Variants in ARID1A observed in about 807,000 individuals in gnomAD.
ARID1A encodes the protein AT-rich interactive domain-containing protein 1A.
In ARID1A, 20 loss-of-function variants were observed where a neutral mutation model predicts 212.6. The observed-to-expected ratio is 0.09, with a 90% CI of 0.07 to 0.14. The LOEUF is 0.14. Among genes scored for constraint, ARID1A ranks in the 10% least tolerant of loss-of-function variants. The pLI, the probability that ARID1A is intolerant of heterozygous loss-of-function variation, is 1.00. For missense variants in ARID1A, 2,587 were observed against 3,059.0 expected, an observed-to-expected ratio of 0.85 and a Z score of 3.64; for synonymous variants, 1,376 against 1,222.1, an observed-to-expected ratio of 1.13 and a Z score of -2.63.
intron 4 of ARID1A, among the ~76,000 whole-genome samples, chr1:26,759,894 T>C (rs532154354): frequency 6.6e-6 from 1 of 152,322 alleles, no homozygotes; most frequent in African/African-American, 2.4e-5. Context: ...AGTTAAGAAA[T>C]TGTCTTTCTC....
At chr1:26,776,214 C>T (rs1022009364) in intron 19 of ARID1A, among the ~76,000 whole-genome samples, 8 of 151,276 alleles carry the variant, frequency 5.3e-5, no homozygotes, top group Non-Finnish European at 1.0e-4. Flanking sequence ...ACAGTAGGGG[C>T]CTTTGTTGAT....
Position 26,771,031 on chromosome 1 carries a change from A to G in ARID1A, c.3199-88A>G. The stretch of plus-strand genomic sequence containing the variant: ...AAGAACTGTGGTTCTACAAAGATGA[A>G]TACCTTACAGCCTGATGGGGCTTGG... On this transcript the variant is annotated intron_variant, in intron 11 of 19. Coordinates refer to ENST00000324856, the MANE Select transcript of ARID1A (RefSeq NM_006015.6). This position sits in a 1 kb window ranked among gnomAD's most constrained non-coding sequence, Gnocchi z 5.4. 1.7e-6 allele frequency: 2 copies of G among 1,206,696 alleles called. No homozygotes were observed. The highest frequency in any genetic ancestry group is 1.5e-5 in the African/African-American group (1 of 66,200). The allele number at this position is 1,206,696 out of a possible 1,614,324, so 74.7% of individuals were successfully genotyped here.
At chr1:26,701,248 A>C (rs2080329376) in intron 1 of ARID1A, among the ~76,000 whole-genome samples, 1 of 152,214 alleles carries the variant, frequency 6.6e-6, no homozygotes, top group Non-Finnish European at 1.5e-5. Flanking sequence ...TCTAGAAGCA[A>C]CTGAAGCTTG....
At chr1:26,766,703 G>T (rs2081042620) in intron 10 of ARID1A, 137 bp downstream of exon 10, 3 of 904,864 alleles carry the variant, frequency 3.3e-6, no homozygotes, top group Non-Finnish European at 5.0e-6. Context: ...AGCTGCTGTT[G>T]CCTCCTCTTA....
At chr1:26,735,885 C>T (rs2080724376) in intron 4 of ARID1A, among the ~76,000 whole-genome samples, 1 of 152,174 alleles carries the variant, frequency 6.6e-6, no homozygotes, top group African/African-American at 2.4e-5. Flanking sequence ...TTGCCTCATA[C>T]TTTTCCCCTC....
chr1:26,773,734 C>T lies in ARID1A; in HGVS notation c.4004+17C>T, dbSNP rs777979950. On this transcript the variant is annotated intron_variant, in intron 16 of 19. Transcript: ENST00000324856. ...GCAGCAACGGTGAGTAAAGCCTGGT[C>T]TCGGTGCTGCTATGGATCAGGCTTC... is the stretch of plus-strand genomic sequence containing the variant. 3 of 1,614,196 alleles carry T rather than the reference C, an allele frequency of 1.9e-6. No homozygotes were observed. The highest frequency in any genetic ancestry group is 2.5e-6 in the Non-Finnish European group (3 of 1,180,020).
Position 26,696,756 on chromosome 1 carries a change from C to A in ARID1A, c.353C>A (p.Thr118Lys), listed in dbSNP as rs1346716044. 7.4e-7 allele frequency: 1 copy of A among 1,353,564 alleles called. No individual in the cohort carries two copies. Among genetic ancestry groups the A allele is most frequent in the Non-Finnish European group, 9.5e-7 (1 of 1,056,842 alleles). 83.8% of individuals were successfully genotyped at this position (1,353,564 alleles called of 1,614,324 possible). A position where few individuals can be genotyped will look rare whatever the true frequency, so the allele number is the denominator to read the frequency against. ...AGGCCCGCCCTGAACAATAACCTCA[C>A]GGAGCCGCCCGGCGGCGGCGGTGGC... ...GPRPALNNNL[T>K]EPPGGGGGGS... The change falls in exon 1 of 20, where the codon ACG becomes AAG. Residue 118 changes from threonine to lysine, a missense_variant. Around this residue, in one of 11 missense-constraint regions of ARID1A, gnomAD observed 735 missense variants for 590.6 expected, o/e 1.24. Coordinates refer to ENST00000324856, the MANE Select transcript of ARID1A (RefSeq NM_006015.6).
At chr1:26,709,681 C>G (rs1256319549) in intron 1 of ARID1A, among the ~76,000 whole-genome samples, 2 of 114,662 alleles carry the variant, frequency 1.7e-5, no homozygotes, top group Non-Finnish European at 3.5e-5. Context: ...GGGTCTTTCT[C>G]TGTTTCCCAG....
rs778331057 is a variant in ARID1A, at chr1:26,697,268, C to G, written c.865C>G (p.Pro289Ala). Residue 289 changes from proline (P) to alanine (A), a missense_variant, in exon 1 of 20, where the codon CCC (proline) becomes GCC (alanine). Coordinates refer to ENST00000324856, the MANE Select transcript of ARID1A (RefSeq NM_006015.6). ...PSAAGGGTPQ[P>A]TATPTLNQLL... ...CGCGGCCGGCGGGGGAACTCCCCAG[C>G]CCACCGCCACCCCCACCCTCAACCA... 7.3e-7 allele frequency: 1 copy of G among 1,367,522 alleles called. No homozygotes were observed. The highest frequency in any genetic ancestry group is 9.4e-7 in the Non-Finnish European group (1 of 1,067,852). The allele number at this position is 1,367,522 out of a possible 1,614,324, so 84.7% of individuals were successfully genotyped here.
At chr1:26,747,168 T>C (rs1017536898) in intron 4 of ARID1A, among the ~76,000 whole-genome samples, 1 of 152,236 alleles carries the variant, frequency 6.6e-6, no homozygotes, top group African/African-American at 2.4e-5. Context: ...CGATATGTAT[T>C]CTGTTGCCAT....
chr1:26,697,036 G>A lies in ARID1A; in HGVS notation c.633G>A (p.Gln211=), dbSNP rs1223771800. ...ACGACCACGGCTTCCCCAACCACCA[G>A]TACAACTCCTACTACCCCAACCGCA... ...NSHDHGFPNH[Q]YNSYYPNRSA... is the part of the protein sequence containing the mutation. Residue 211 remains glutamine (Q), a synonymous_variant, in exon 1 of 20, where the codon CAG becomes CAA. Coordinates refer to ENST00000324856, the MANE Select transcript of ARID1A (RefSeq NM_006015.6). 1.9e-6 allele frequency: 3 copies of A among 1,540,626 alleles called. No individual in the cohort carries two copies. The highest frequency in any genetic ancestry group is 8.7e-7 in the Non-Finnish European group (1 of 1,147,534).
At chr1:26,752,720 C>T (rs1035404948) in intron 4 of ARID1A, among the ~76,000 whole-genome samples, 2 of 152,036 alleles carry the variant, frequency 1.3e-5, no homozygotes, top group African/African-American at 2.4e-5. Context: ...AGGGGCGGGG[C>T]GGGGATAAGG....
At chr1:26,740,016 C>T (rs2080773418) in intron 4 of ARID1A, among the ~76,000 whole-genome samples, 1 of 149,734 alleles carries the variant, frequency 6.7e-6, no homozygotes, top group Admixed American at 6.7e-5. Context: ...AAAAAAAAAA[C>T]CTGGCCAAGT....
intron 11 of ARID1A, among the ~76,000 whole-genome samples, chr1:26,768,688 A>G (rs981633249): frequency 6.6e-6 from 1 of 152,224 alleles, no homozygotes; most frequent in African/African-American, 2.4e-5. Flanking sequence ...GAAAACCTGA[A>G]TTGGACACCA....
chr1:26,778,857 A>T (rs2081162216), intron 19 of ARID1A, 166 bp from the exon 20 acceptor site: 1 of 625,514 alleles, frequency 1.6e-6, no homozygotes, highest in Non-Finnish European at 2.6e-6. Context: ...TGTTGGGCAT[A>T]GAAGAGATTA....
chr1:26,750,846 G>A (rs1223998112), intron 4 of ARID1A, among the ~76,000 whole-genome samples: 2 of 152,046 alleles, frequency 1.3e-5, no homozygotes, highest in South Asian at 2.1e-4. Context: ...AAACCCAGGG[G>A]TGAGAAAAAG....
intron 4 of ARID1A, among the ~76,000 whole-genome samples, chr1:26,751,585 A>G (rs2080885618): frequency 6.6e-6 from 1 of 152,230 alleles, no homozygotes; most frequent in African/African-American, 2.4e-5. Context: ...AAATGGGGGT[A>G]ATACCTATAT....
intron 4 of ARID1A, among the ~76,000 whole-genome samples, chr1:26,736,747 A>T (rs2080734720): frequency 6.6e-6 from 1 of 151,156 alleles, no homozygotes; most frequent in Non-Finnish European, 1.5e-5. Context: ...TACTAAAAAT[A>T]CAAAATTAGC....
intron 1 of ARID1A, 84 bp from the exon 2 acceptor site, chr1:26,729,567 A>G (rs533782698): frequency 2.0e-6 from 3 of 1,485,710 alleles, no homozygotes; most frequent in South Asian, 2.3e-5. Context: ...CATACAGACT[A>G]AAAAAACCTG....
Sources: gnomAD v4.1 joint callset for allele counts (sites outside exome capture counted in the v4.1 genomes callset) on GRCh38, gnomAD v4.1.1 for gene constraint, gnomAD v4.1.1 regional missense constraint, Gnocchi (gnomAD v3.1) non-coding constraint, MANE v1.5 for transcripts, NCBI Gene and HGNC (gene_info 2026-07-23, HGNC 2026-07-21) for gene names.